Variants in CNTN6 observed in about 807,000 individuals in gnomAD.
CNTN6 encodes the protein contactin-6.
In CNTN6, 137 loss-of-function variants were observed where a neutral mutation model predicts 122.8. The ratio of observed to expected loss-of-function variants is 1.12; its 90% CI spans 0.97 to 1.29. CNTN6 has a LOEUF of 1.29. Ranked by LOEUF, CNTN6 falls within the 50% of genes most tolerant of loss-of-function variation. The probability of loss-of-function intolerance (pLI) is 0.00; values close to 1 mark genes in which losing one functional copy is unlikely to be tolerated. For missense variants in CNTN6, 1,634 were observed against 1,223.4 expected, an observed-to-expected ratio of 1.34 and a Z score of -5.01; for synonymous variants, 570 against 426.0, an observed-to-expected ratio of 1.34 and a Z score of -4.16.
chr3:1,116,334 A>G (rs1483317678), intron 1 of CNTN6, among the ~76,000 whole-genome samples: 1 of 152,218 alleles, frequency 6.6e-6, no homozygotes, highest in Admixed American at 6.5e-5. Context: ...GACAGGAACT[A>G]TCATGAGGAA....
intron 2 of CNTN6, among the ~76,000 whole-genome samples, chr3:1,216,361 C>A (rs2094130593): frequency 6.6e-6 from 1 of 152,202 alleles, no homozygotes; most frequent in Non-Finnish European, 1.5e-5. Context: ...CTTCCCTTCT[C>A]TGAGCCTGAC....
At chr3:1,274,236 A>G (rs1438874491) in intron 4 of CNTN6, among the ~76,000 whole-genome samples, 7 of 152,212 alleles carry the variant, frequency 4.6e-5, no homozygotes, top group Non-Finnish European at 1.0e-4. Context: ...GATACAAGCC[A>G]AAGTCATAGA....
At chr3:1,268,662 A>G (rs1188553099) in intron 4 of CNTN6, among the ~76,000 whole-genome samples, 2 of 151,734 alleles carry the variant, frequency 1.3e-5, no homozygotes, top group Non-Finnish European at 2.9e-5. Flanking sequence ...TAAAATTCAC[A>G]TATTTTTGAC....
chr3:1,384,399 T>TAATC, intron 19 of CNTN6, among the ~76,000 whole-genome samples: 1 of 142,266 alleles, frequency 7.0e-6, no homozygotes, highest in Non-Finnish European at 1.5e-5. Context: ...TGGAAAGATG[T>TAATC]AATCATCTCA....
intron 4 of CNTN6, among the ~76,000 whole-genome samples, chr3:1,234,096 A>G (rs2094392336): frequency 6.6e-6 from 1 of 152,204 alleles, no homozygotes; most frequent in African/African-American, 2.4e-5. Flanking sequence ...ACCATGTTTT[A>G]CAGGTGAAGA....
At chr3:1,388,420 A>G (rs1246903348) in intron 20 of CNTN6, among the ~76,000 whole-genome samples, 2 of 151,064 alleles carry the variant, frequency 1.3e-5, no homozygotes, top group Admixed American at 6.6e-5. Flanking sequence ...GTACATCACC[A>G]TCATCAAAGA....
At chr3:1,200,538 G>T (rs549620934) in intron 2 of CNTN6, among the ~76,000 whole-genome samples, 1 of 152,248 alleles carries the variant, frequency 6.6e-6, no homozygotes, top group Non-Finnish European at 1.5e-5. Flanking sequence ...ATAAAGAAAA[G>T]ACTAGATTTG....
intron 1 of CNTN6, among the ~76,000 whole-genome samples, chr3:1,103,251 T>C (rs760681275): frequency 1.4e-4 from 22 of 152,234 alleles, no homozygotes; most frequent in Non-Finnish European, 2.6e-4. Context: ...AGTCAATTCC[T>C]AAACATGCTC....
intron 4 of CNTN6, among the ~76,000 whole-genome samples, chr3:1,269,335 G>A (rs377510463): frequency 6.6e-5 from 10 of 152,240 alleles, no homozygotes; most frequent in Admixed American, 2.6e-4. Context: ...TAAGGAATTC[G>A]TTAGTGGGTT....
intron 11 of CNTN6, among the ~76,000 whole-genome samples, chr3:1,345,500 A>G (rs1704554300): frequency 6.6e-6 from 1 of 152,180 alleles, no homozygotes; most frequent in African/African-American, 2.4e-5. Flanking sequence ...AAACTTTGTA[A>G]TTTACTTGTT....
chr3:1,345,718 C>T (rs1267784105), intron 11 of CNTN6, among the ~76,000 whole-genome samples: 6 of 152,024 alleles, frequency 3.9e-5, no homozygotes, highest in Non-Finnish European at 8.8e-5. Flanking sequence ...AAATAGATTC[C>T]AGTGGGAGAT....
intron 1 of CNTN6, among the ~76,000 whole-genome samples, chr3:1,142,966 GTGTATATATATATATATATATA>G (rs2092644095): frequency 1.0e-5 from 1 of 96,614 alleles, no homozygotes; most frequent in African/African-American, 4.3e-5. Flanking sequence ...GTGTGTGTGT[GTGTATATATATATATATATATA>G]TATATATATA....
At chr3:1,124,932 A>G (rs1323931144) in intron 1 of CNTN6, among the ~76,000 whole-genome samples, 1 of 151,916 alleles carries the variant, frequency 6.6e-6, no homozygotes, top group Non-Finnish European at 1.5e-5. Context: ...GGGTCGTATT[A>G]TTGCTCCTAT....
intron 20 of CNTN6, among the ~76,000 whole-genome samples, chr3:1,394,954 G>A (rs761270953): frequency 6.6e-6 from 1 of 152,138 alleles, no homozygotes; most frequent in African/African-American, 2.4e-5. Context: ...ATAATAATCA[G>A]AAATTCTAAA....
At chr3:1,108,543 A>T (rs1393764655) in intron 1 of CNTN6, among the ~76,000 whole-genome samples, 1 of 152,004 alleles carries the variant, frequency 6.6e-6, no homozygotes, top group Non-Finnish European at 1.5e-5. Context: ...CAGATTTTGG[A>T]TATTGAGCTC....
At chr3:1,129,230 A>C (rs1170784354) in intron 1 of CNTN6, among the ~76,000 whole-genome samples, 2 of 152,042 alleles carry the variant, frequency 1.3e-5, no homozygotes, top group Non-Finnish European at 2.9e-5. Flanking sequence ...ATCACCAAAA[A>C]CTTCAGCATA....
At chr3:1,338,107 C>T (rs1703338312) in intron 11 of CNTN6, among the ~76,000 whole-genome samples, 1 of 152,152 alleles carries the variant, frequency 6.6e-6, no homozygotes, top group African/African-American at 2.4e-5. Flanking sequence ...TAGTCCCTCT[C>T]CCATGTTTTC....
chr3:1,202,961 T>C (rs982634869), intron 2 of CNTN6, among the ~76,000 whole-genome samples: 29 of 152,326 alleles, frequency 1.9e-4, no homozygotes, highest in African/African-American at 6.7e-4. Context: ...ATGGTGTTTA[T>C]GAAGTTTAAA....
At chr3:1,345,555 A>G (rs1242567320) in intron 11 of CNTN6, among the ~76,000 whole-genome samples, 1 of 152,212 alleles carries the variant, frequency 6.6e-6, no homozygotes, top group Non-Finnish European at 1.5e-5. Context: ...AGAAATTTTT[A>G]AAAGATAGCT....
Sources: gnomAD v4.1 joint callset for allele counts (sites outside exome capture counted in the v4.1 genomes callset) on GRCh38, gnomAD v4.1.1 for gene constraint, MANE v1.5 for transcripts, NCBI Gene and HGNC (gene_info 2026-07-23, HGNC 2026-07-21) for gene names.